Variants in RNASEH1 observed in about 807,000 individuals in gnomAD.
RNASEH1 encodes ribonuclease H type II.
A neutral mutation model predicts 34.6 loss-of-function variants in RNASEH1; 27 were observed. The ratio of observed to expected loss-of-function variants is 0.78; its 90% CI spans 0.58 to 1.08. The LOEUF (loss-of-function observed/expected upper bound fraction) is 1.08. Ranked by LOEUF, RNASEH1 falls within the 50% of genes least tolerant of loss-of-function variation. The pLI is 0.00. For synonymous variants in RNASEH1, 162 were observed against 138.4 expected, an observed-to-expected ratio of 1.17 and a Z score of -1.20; for missense variants, 349 against 373.6, an observed-to-expected ratio of 0.93 and a Z score of 0.54.
chr2:3,532,135 G>T, the RNASEH1 span: 1 of 637,346 alleles, frequency 1.6e-6, no homozygotes, highest in Non-Finnish European at 2.9e-6. Flanking sequence ...GGAATGGAGG[G>T]AAAGTCCGTG....
At chr2:3,550,515 A>C (rs759076752) in intron 3 of RNASEH1, 43 bp from the exon 4 acceptor site, 1 of 1,490,814 alleles carries the variant, frequency 6.7e-7, no homozygotes, top group South Asian at 1.1e-5. Context: ...GACCTTACTA[A>C]AAACTGAAAT....
intron 4 of RNASEH1, among the ~76,000 whole-genome samples, chr2:3,549,319 C>A (rs908064366): frequency 2.6e-5 from 4 of 152,166 alleles, no homozygotes; most frequent in Non-Finnish European, 4.4e-5. Context: ...TCCACTAGGG[C>A]AAAGGAAGTA....
rs1266971121 is a variant in RNASEH1, at chr2:3,552,246, G to C, written c.307C>G (p.Leu103Val). The change falls in exon 3 of 8, where the codon CTG becomes GTG. Residue 103 changes from leucine to valine, a missense_variant. Coordinates refer to ENST00000315212, the MANE Select transcript of RNASEH1 (RefSeq NM_002936.6). ...GCGCTTTCATGTCCATCTCCATCCA[G>C]TGGCTCACGGAGTCGCTTGCTGGCT... ...AKASKRLREP[L>V]DGDGHESAEP... 1.2e-6 allele frequency: 2 copies of C among 1,613,988 alleles called. No individual in the cohort carries two copies. Among genetic ancestry groups the C allele is most frequent in the Non-Finnish European group, 1.7e-6 (2 of 1,179,994 alleles).
chr2:3,554,178 C>G (rs1660261787), intron 2 of RNASEH1, among the ~76,000 whole-genome samples: 1 of 152,248 alleles, frequency 6.6e-6, no homozygotes, highest in Non-Finnish European at 1.5e-5. Flanking sequence ...TCAGCAACAG[C>G]TGGCGTTTCC....
At chr2:3,547,011 T>C (rs986960261) in intron 7 of RNASEH1, among the ~76,000 whole-genome samples, 2 of 152,140 alleles carry the variant, frequency 1.3e-5, no homozygotes, top group African/African-American at 4.8e-5. Context: ...TAATCCCAGA[T>C]ACTTGGGAGG....
downstream of RNASEH1, among the ~76,000 whole-genome samples, chr2:3,537,835 C>T (rs182846209): frequency 2.5e-4 from 37 of 150,486 alleles, no homozygotes; most frequent in African/African-American, 8.1e-4. Context: ...GTCAGGAGTT[C>T]GCGACCAGCT....
In RNASEH1 at chr2:3,544,880, T is replaced by C. The variant is rs749699878; in HGVS notation, c.*905A>G. On this transcript the variant is annotated 3_prime_UTR_variant, in exon 8 of 8. Coordinates refer to ENST00000315212, the MANE Select transcript of RNASEH1 (RefSeq NM_002936.6). ...ACCTCTGCCGCCTGGGTTCAAGTGATTCTTGTGCCTCAGCCTCCCAAGTAG... is the reference window on the plus strand; with the variant it reads ...ACCTCTGCCGCCTGGGTTCAAGTGACTCTTGTGCCTCAGCCTCCCAAGTAG... 4 of 151,942 alleles carry C rather than the reference T, an allele frequency of 2.6e-5. No homozygotes were observed. The highest frequency in any genetic ancestry group is 5.9e-5 in the Non-Finnish European group (4 of 68,030). The allele number at this position is 151,942 out of a possible 1,614,324, so 9.4% of individuals were successfully genotyped here.
chr2:3,558,000 C>A, intron 1 of RNASEH1, 133 bp downstream of exon 1: 1 of 1,485,968 alleles, frequency 6.7e-7, no homozygotes, highest in Non-Finnish European at 9.0e-7. Flanking sequence ...CGAGGCGGTC[C>A]CCCGACCACC....
At chr2:3,556,248 A>G (rs1332787368) in intron 2 of RNASEH1, among the ~76,000 whole-genome samples, 1 of 151,872 alleles carries the variant, frequency 6.6e-6, no homozygotes, top group Non-Finnish European at 1.5e-5. Flanking sequence ...GGGGCATGCC[A>G]TGGAAAGAAC....
At chr2:3,535,653 G>A in the RNASEH1 span, among the ~76,000 whole-genome samples, 2 of 152,080 alleles carry the variant, frequency 1.3e-5, no homozygotes, top group South Asian at 2.1e-4. Flanking sequence ...GGGGACAGGG[G>A]GACACCTGTG....
rs969163272 is a variant in RNASEH1, at chr2:3,545,795, G to T, written c.851C>A (p.Ser284Ter). 1.9e-5 allele frequency: 31 copies of T among 1,612,332 alleles called. No homozygotes were observed. Among genetic ancestry groups the T allele is most frequent in the Non-Finnish European group, 2.5e-5 (29 of 1,178,446 alleles). The change falls in exon 8 of 8, where the codon TCG becomes TAG. Residue 284 changes from serine to a stop codon, truncating the protein, a stop_gained. Coordinates refer to ENST00000315212, the MANE Select transcript of RNASEH1 (RefSeq NM_002936.6). LOFTEE classifies it high-confidence loss of function. ...CTAAAGTCACATGGCTCAGTCTTCCGATTGTTTAGCTCCTTCTCTGGCTAA... is the reference window on the plus strand; with the variant it reads ...CTAAAGTCACATGGCTCAGTCTTCCTATTGTTTAGCTCCTTCTCTGGCTAA... ...DRLAREGAKQ[S>*]ED
chr2:3,536,378 C>T, the RNASEH1 span, among the ~76,000 whole-genome samples: 1 of 150,974 alleles, frequency 6.6e-6, no homozygotes. Flanking sequence ...TCCACCGCTC[C>T]GAGTCCCCTC....
chr2:3,557,713 G>T (rs1040092676), intron 1 of RNASEH1: 1 of 479,222 alleles, frequency 2.1e-6, no homozygotes, highest in Admixed American at 2.5e-5. Context: ...GCAAATACTG[G>T]CTTATTAGAA....
At chr2:3,534,745 G>A in the RNASEH1 span, among the ~76,000 whole-genome samples, 24 of 152,242 alleles carry the variant, frequency 1.6e-4, no homozygotes, top group Admixed American at 3.9e-4. Context: ...GGGCGCCAGC[G>A]GCCATGGAGG....
the RNASEH1 span, among the ~76,000 whole-genome samples, chr2:3,534,440 T>C: frequency 1.3e-5 from 2 of 152,234 alleles, no homozygotes; most frequent in Non-Finnish European, 2.9e-5. Context: ...GAACCAGGGC[T>C]GTAGCACGCC....
At chr2:3,537,470 C>T (rs1402539344), downstream of RNASEH1, among the ~76,000 whole-genome samples, 5 of 152,146 alleles carry the variant, frequency 3.3e-5, no homozygotes, top group Non-Finnish European at 4.4e-5. Flanking sequence ...TGGCTCTAAC[C>T]CCAGCGTGTT....
Position 3,542,787 on chromosome 2 carries a change from G to C in RNASEH1, c.*2998C>G, listed in dbSNP as rs987170686. On this transcript the variant is annotated 3_prime_UTR_variant, in exon 8 of 8. Coordinates refer to ENST00000315212, the MANE Select transcript of RNASEH1 (RefSeq NM_002936.6). ...GCAGGAGACACAGACATCATATAGA[G>C]GAGGCTATGTAAAGGCCCCAGGACC... Among the ~76,000 whole-genome samples the C allele has an allele frequency of 2.6e-5, 4 of 152,292 alleles. No homozygotes were observed. The highest frequency in any genetic ancestry group is 7.2e-5 in the African/African-American group (3 of 41,570).
rs760933993 is a variant in RNASEH1, at chr2:3,541,485, C to A, written c.*4300G>T. Among the ~76,000 whole-genome samples, 9 of 152,052 alleles carry A rather than the reference C, an allele frequency of 5.9e-5. No homozygotes were observed. Among genetic ancestry groups the A allele is most frequent in the Non-Finnish European group, 1.3e-4 (9 of 68,024 alleles). On this transcript the variant is annotated 3_prime_UTR_variant, in exon 8 of 8. Transcript: ENST00000315212. ...TTTTTATTTAGAAATTGGAAATAATCGAAATATCGGTCAACAGGTAAATAA... is the reference window on the plus strand; with the variant it reads ...TTTTTATTTAGAAATTGGAAATAATAGAAATATCGGTCAACAGGTAAATAA...
chr2:3,550,054 G>T (rs527515717), intron 4 of RNASEH1: 2 of 266,004 alleles, frequency 7.5e-6, no homozygotes, highest in East Asian at 1.7e-4. Flanking sequence ...AAGGTGGGAG[G>T]ATCGCTTGAG....
Sources: gnomAD v4.1 joint callset for allele counts (sites outside exome capture counted in the v4.1 genomes callset) on GRCh38, gnomAD v4.1.1 for gene constraint, MANE v1.5 for transcripts, NCBI Gene and HGNC (gene_info 2026-07-23, HGNC 2026-07-21) for gene names.